GUCY1B1: variants seen among roughly 807,000 people sequenced by gnomAD.
GUCY1B1 encodes the protein guanylate cyclase soluble subunit beta-1.
In GUCY1B1, 43 loss-of-function variants were observed where a neutral mutation model predicts 71.0. The ratio of observed to expected loss-of-function variants is 0.61; its 90% CI spans 0.47 to 0.78. GUCY1B1 has a LOEUF of 0.78. GUCY1B1 is among the 30% of genes least tolerant of loss of function. The pLI is 0.00. For synonymous variants in GUCY1B1, 266 were observed against 259.7 expected, an observed-to-expected ratio of 1.02 and a Z score of -0.23; for missense variants, 535 against 754.1, an observed-to-expected ratio of 0.71 and a Z score of 3.40.
rs142708142 is a variant in GUCY1B1 at position 155,781,164 on chromosome 4, T to C, written c.297+3522T>C. ...ATTTCTAAGTACTAGACACAGCATA[T>C]AATAGGCAATTAATGAAACAGTCTT... is the stretch of plus-strand genomic sequence containing the variant. On this transcript the variant is annotated intron_variant, in intron 4 of 13. Transcript: ENST00000264424. Among the ~76,000 whole-genome samples the C allele has an allele frequency of 3.9e-3, 598 of 152,342 alleles. 2 individuals carry two copies. The highest frequency in any genetic ancestry group is 0.014 in the African/African-American group (563 of 41,582).
chr4:155,785,259 C>G, intron 4 of GUCY1B1: 1 of 1,347,906 alleles, frequency 7.4e-7, no homozygotes. Context: ...TTTTATGAAG[C>G]CTAGAAGAAT....
In GUCY1B1 at chr4:155,795,579, A is replaced by G. The variant is rs185571194; in HGVS notation, c.843+122A>G. ...AGAGATAAAACCCAGACCTCAAAGG[A>G]AGATCTATTTAAAAGGCAATAACAT... On this transcript the variant is annotated intron_variant, in intron 7 of 13. Transcript: ENST00000264424. The G allele has an allele frequency of 7.6e-6, 4 of 527,268 alleles. No individual in the cohort carries two copies. The Admixed American group carries it at 1.1e-4, about 14-fold the overall frequency. 32.7% of individuals were successfully genotyped at this position (527,268 alleles called of 1,614,324 possible).
intron 2 of GUCY1B1, among the ~76,000 whole-genome samples, chr4:155,770,854 C>T (rs897504288): frequency 6.6e-6 from 1 of 152,176 alleles, no homozygotes; most frequent in Non-Finnish European, 1.5e-5. Flanking sequence ...CTTCCTCTTG[C>T]ATTTCCACTC....
intron 6 of GUCY1B1, among the ~76,000 whole-genome samples, chr4:155,795,086 A>G (rs1046577014): frequency 6.6e-6 from 1 of 152,142 alleles, no homozygotes; most frequent in Admixed American, 6.5e-5. Context: ...AATTTATGCT[A>G]GCTTACATTT....
chr4:155,772,451 G>A (rs1410889711), intron 2 of GUCY1B1, among the ~76,000 whole-genome samples: 2 of 152,188 alleles, frequency 1.3e-5, no homozygotes, highest in African/African-American at 4.8e-5. Context: ...ATCTGGCTCT[G>A]TTGCCCAGGC....
At chr4:155,775,450 G>A (rs1338312005) in intron 3 of GUCY1B1, among the ~76,000 whole-genome samples, 6 of 151,916 alleles carry the variant, frequency 3.9e-5, no homozygotes, top group Non-Finnish European at 5.9e-5. Context: ...GCACCACCAC[G>A]CCCAGCTAAT....
intron 4 of GUCY1B1, among the ~76,000 whole-genome samples, chr4:155,780,548 C>A (rs1738347012): frequency 6.6e-6 from 1 of 152,170 alleles, no homozygotes; most frequent in Non-Finnish European, 1.5e-5. Flanking sequence ...AGCCAGAGAT[C>A]ATGTATAATC....
chr4:155,759,652 C>A lies in GUCY1B1; in HGVS notation c.4-135C>A, dbSNP rs57316172. 10,441 of 636,580 alleles carry A rather than the reference C, an allele frequency of 0.016. 779 individuals are homozygous for A. The African/African-American group carries it at 0.17, about 10-fold the overall frequency. The allele number at this position is 636,580 out of a possible 1,614,324, so 39.4% of individuals were successfully genotyped here. A position where few individuals can be genotyped will look rare whatever the true frequency, so the allele number is the denominator to read the frequency against. ...ATCCGACTCCTTTAGTGCATAGTAC[C>A]CCTAAGGGAGAGGAGTCAGGGGCGG... On this transcript the variant is annotated intron_variant, in intron 1 of 13. Coordinates refer to ENST00000264424, the MANE Select transcript of GUCY1B1 (RefSeq NM_000857.5).
chr4:155,778,844 G>A (rs1275378576), intron 4 of GUCY1B1, among the ~76,000 whole-genome samples: 2 of 152,100 alleles, frequency 1.3e-5, no homozygotes, highest in Admixed American at 6.6e-5. Context: ...TCACTTTTTA[G>A]TACTTTTGTT....
In GUCY1B1 at chr4:155,805,083, C is replaced by G; in HGVS notation, c.1710-20C>G. The stretch of plus-strand genomic sequence containing the variant: ...ACTTGTGTATACTTCTCTCTCTACT[C>G]CCCTTCCCTTGTCTTTTAGATGTCT... On this transcript the variant is annotated intron_variant, in intron 12 of 13. Coordinates refer to ENST00000264424, the MANE Select transcript of GUCY1B1 (RefSeq NM_000857.5). 6.2e-7 allele frequency: 1 copy of G among 1,605,756 alleles called. No homozygotes were observed. The highest frequency in any genetic ancestry group is 1.1e-5 in the South Asian group (1 of 90,490).
At chr4:155,804,559 C>G (rs1740185430) in intron 11 of GUCY1B1, 34 bp from the exon 12 acceptor site, 1 of 1,560,610 alleles carries the variant, frequency 6.4e-7, no homozygotes, top group East Asian at 2.2e-5. Context: ...TGTTAGTGAT[C>G]AAAATGATTG....
intron 2 of GUCY1B1, among the ~76,000 whole-genome samples, chr4:155,774,177 A>G (rs569738845): frequency 5.3e-5 from 8 of 152,216 alleles, no homozygotes; most frequent in East Asian, 1.9e-4. Context: ...AGTTATCCCA[A>G]CGTCCAACCA....
At chr4:155,766,087 A>G (rs1200590227) in intron 2 of GUCY1B1, among the ~76,000 whole-genome samples, 1 of 152,186 alleles carries the variant, frequency 6.6e-6, no homozygotes, top group Non-Finnish European at 1.5e-5. Flanking sequence ...TCAATAAAAT[A>G]TCAGGCTCTC....
At chr4:155,789,258 T>C (rs1032110477) in intron 4 of GUCY1B1, among the ~76,000 whole-genome samples, 4 of 152,228 alleles carry the variant, frequency 2.6e-5, no homozygotes, top group African/African-American at 9.6e-5. Flanking sequence ...TATATGCTTA[T>C]AATTTGGGCA....
At chr4:155,787,103 G>T (rs1194632563) in intron 4 of GUCY1B1, among the ~76,000 whole-genome samples, 1 of 151,818 alleles carries the variant, frequency 6.6e-6, no homozygotes, top group South Asian at 2.1e-4. Flanking sequence ...AAGTATAAGG[G>T]GTCTGAGAGG....
chr4:155,796,439 C>T lies in GUCY1B1; in HGVS notation c.906C>T (p.Ser302=). Residue 302 remains serine, a synonymous_variant, in exon 8 of 14, where the codon AGC becomes AGT. Transcript: ENST00000264424. ...CEDELTGTEI[S]CLRLKGQMIY... ...ATGAACTGACTGGGACTGAGATCAG[C>T]TGCTTACGTCTCAAGGGTCAAATGA... 2 of 1,610,836 alleles carry T rather than the reference C, an allele frequency of 1.2e-6. No individual in the cohort carries two copies. Among genetic ancestry groups the T allele is most frequent in the African/African-American group, 1.3e-5 (1 of 74,970 alleles).
In GUCY1B1 at chr4:155,768,454, T is replaced by C. The variant is rs1235026892; in HGVS notation, c.78-6514T>C. Among the ~76,000 whole-genome samples the C allele has an allele frequency of 3.6e-5, 4 of 111,654 alleles. No homozygotes were observed. The East Asian group carries it at 8.5e-4, about 24-fold the overall frequency. The allele number at this position is 111,654 out of a possible 152,430, so 73.2% of individuals were successfully genotyped here. A position where few individuals can be genotyped will look rare whatever the true frequency, so the allele number is the denominator to read the frequency against. On this transcript the variant is annotated intron_variant, in intron 2 of 13. Coordinates refer to ENST00000264424, the MANE Select transcript of GUCY1B1 (RefSeq NM_000857.5). The stretch of plus-strand genomic sequence containing the variant: ...TTGTTAGTAATGTTTGATTACTTGT[T>C]TGTTTTTTTTTTTTTTTTTTGTAGG...
chr4:155,782,176 C>A (rs879915972), intron 4 of GUCY1B1, among the ~76,000 whole-genome samples: 5 of 152,040 alleles, frequency 3.3e-5, no homozygotes, highest in Non-Finnish European at 7.4e-5. Context: ...CCCGGGTTCA[C>A]GCCATTCTAC....
Position 155,759,916 on chromosome 4 carries a change from C to A in GUCY1B1, c.77+56C>A, listed in dbSNP as rs1357927159. On this transcript the variant is annotated intron_variant, in intron 2 of 13. Transcript: ENST00000264424. ...AGGTCGGCGCCCAGTGTGGGAGGCC[C>A]CCCGCGCCTCGCCTGGTCCTCAGCC... 6.9e-6 allele frequency: 9 copies of A among 1,310,170 alleles called. 1 individual carries two copies. In the Middle Eastern group the frequency reaches 5.8e-4, roughly 85 times the overall value. 81.2% of individuals were successfully genotyped at this position (1,310,170 alleles called of 1,614,324 possible).
Sources: gnomAD v4.1 joint callset for allele counts (sites outside exome capture counted in the v4.1 genomes callset) on GRCh38, gnomAD v4.1.1 for gene constraint, MANE v1.5 for transcripts, NCBI Gene and HGNC (gene_info 2026-07-23, HGNC 2026-07-21) for gene names.